SYNE2: variants seen among roughly 807,000 people sequenced by gnomAD.
SYNE2 encodes the protein nesprin-2.
SYNE2 carries 431 observed loss-of-function variants against 856.3 expected under a neutral mutation model. The observed-to-expected ratio is 0.50, with a 90% CI of 0.47 to 0.55. The LOEUF (loss-of-function observed/expected upper bound fraction) is 0.55, where lower values mean the gene tolerates loss of function less well. SYNE2 is among the 20% of genes least tolerant of loss of function. The pLI is 0.00. For missense variants in SYNE2, 8,129 were observed against 8,023.2 expected (o/e 1.01, Z -0.50); for synonymous variants, 2,923 against 2,872.3 (o/e 1.02, Z -0.56).
chr14:63,936,285 C>T (rs2095832409), intron 2 of SYNE2, among the ~76,000 whole-genome samples: 1 of 152,126 alleles, frequency 6.6e-6, no homozygotes, highest in South Asian at 2.1e-4. Flanking sequence ...TGTTGTGGTG[C>T]GTAAATTCTG....
intron 1 of SYNE2, among the ~76,000 whole-genome samples, chr14:63,788,580 C>T (rs980782078): frequency 6.6e-6 from 1 of 152,086 alleles, no homozygotes; most frequent in Non-Finnish European, 1.5e-5. Flanking sequence ...AGCAGGAGGC[C>T]CAGGTCTACA....
rs1314496475 is a variant in SYNE2, at chr14:64,216,343, C to T, written c.19498C>T (p.Pro6500Ser). The change falls in exon 108 of 116, where the codon CCA becomes TCA. Residue 6500 changes from proline (P) to serine (S), a missense_variant. Pro to Ser is a moderately conservative substitution (Grantham distance 74, BLOSUM62 -1). Transcript: ENST00000555002. ...GCAAATGGAAGGTGACAGGAATGTTCCACCTGTTCCCCCTGCGTCCAGCAC... is the reference window on the plus strand; with the variant it reads ...GCAAATGGAAGGTGACAGGAATGTTTCACCTGTTCCCCCTGCGTCCAGCAC... ...YKQMEGDRNV[P>S]PVPPASSTPY... is the part of the protein sequence containing the mutation. The T allele has an allele frequency of 5.0e-6, 8 of 1,614,108 alleles. No individual in the cohort carries two copies. The highest frequency in any genetic ancestry group is 6.8e-6 in the Non-Finnish European group (8 of 1,180,054).
chr14:64,155,686 G>T (rs1301744610), intron 85 of SYNE2, among the ~76,000 whole-genome samples: 2 of 152,178 alleles, frequency 1.3e-5, no homozygotes, highest in African/African-American at 4.8e-5. Flanking sequence ...CAGCACTTTG[G>T]GTGGCTGAGG....
chr14:64,153,459 T>G (rs1437629374), intron 85 of SYNE2, among the ~76,000 whole-genome samples: 1 of 152,220 alleles, frequency 6.6e-6, no homozygotes, highest in African/African-American at 2.4e-5. Flanking sequence ...AGAACCTTCA[T>G]TGTGGGTTGT....
intron 85 of SYNE2, 134 bp from the exon 86 acceptor site, chr14:64,158,491 A>G: frequency 1.1e-6 from 1 of 936,348 alleles, no homozygotes; most frequent in Non-Finnish European, 1.7e-6. Flanking sequence ...TACCCTTTCC[A>G]CCTTCAGTTA....
chr14:63,778,953 C>T (rs1304518228), intron 1 of SYNE2, among the ~76,000 whole-genome samples: 1 of 151,828 alleles, frequency 6.6e-6, no homozygotes, highest in Non-Finnish European at 1.5e-5. Flanking sequence ...AGCCACTGTG[C>T]CCAGCCTATA....
intron 11 of SYNE2, among the ~76,000 whole-genome samples, chr14:63,969,251 A>G (rs566819042): frequency 6.7e-6 from 1 of 149,108 alleles, no homozygotes; most frequent in South Asian, 2.1e-4. Context: ...CTCATTGCAA[A>G]CTCTGACTCC....
chr14:64,026,740 A>T lies in SYNE2; in HGVS notation c.6404+10A>T. On this transcript the variant is annotated intron_variant, in intron 42 of 115. Transcript: ENST00000555002. ...CTAGCACCTACCTAAGGTAAAGGGC[A>T]TGCCTGCACCACTTGCATCATATCC... is the stretch of plus-strand genomic sequence containing the variant. 1 of 1,600,824 alleles carries T rather than the reference A, an allele frequency of 6.2e-7. No homozygotes were observed. Among genetic ancestry groups the T allele is most frequent in the East Asian group, 2.2e-5 (1 of 44,556 alleles).
At chr14:63,996,805 C>T (rs1415470367) in intron 23 of SYNE2, 142 bp from the exon 24 acceptor site, 18 of 787,802 alleles carry the variant, frequency 2.3e-5, no homozygotes, top group Admixed American at 8.8e-5. Flanking sequence ...CTTTTTTTCT[C>T]TAGCGCCTAT....
intron 56 of SYNE2, 38 bp from the exon 57 acceptor site, chr14:64,081,405 G>A: frequency 6.2e-7 from 1 of 1,613,780 alleles, no homozygotes; most frequent in Non-Finnish European, 8.5e-7. Flanking sequence ...TCCAGTAAAA[G>A]GCATCTGACT....
At chr14:64,107,924 G>T (rs1447606687) in intron 65 of SYNE2, among the ~76,000 whole-genome samples, 1 of 152,124 alleles carries the variant, frequency 6.6e-6, no homozygotes, top group African/African-American at 2.4e-5. Flanking sequence ...AGTAGAGAAG[G>T]GTTAATATTG....
rs747681951 is a variant in SYNE2 at position 64,052,181 on chromosome 14, T to G, written c.8268T>G (p.Leu2756=). The G allele has an allele frequency of 5.0e-6, 8 of 1,614,144 alleles. No homozygotes were observed. Among genetic ancestry groups the G allele is most frequent in the Non-Finnish European group, 6.8e-6 (8 of 1,180,036 alleles). Residue 2756 remains leucine (L), a synonymous_variant, in exon 48 of 116, where the codon CTT becomes CTG. Transcript: ENST00000555002. ...LLGELNPSIP[L]LPDDILSQIR... is the part of the protein sequence containing the mutation. ...GTGAACTTAATCCCTCCATTCCCCT[T>G]CTCCCAGATGACATTCTTTCACAGA...
chr14:64,065,292 T>G (rs1281564887), intron 50 of SYNE2, 140 bp from the exon 51 acceptor site: 1 of 767,002 alleles, frequency 1.3e-6, no homozygotes, highest in Non-Finnish European at 2.1e-6. Flanking sequence ...CTATATTGAC[T>G]TCTAAAAGGA....
intron 2 of SYNE2, among the ~76,000 whole-genome samples, chr14:63,918,082 A>T (rs1350689494): frequency 6.6e-6 from 1 of 152,182 alleles, no homozygotes; most frequent in Non-Finnish European, 1.5e-5. Flanking sequence ...GCCCCATGAG[A>T]TACAAGATTT....
intron 1 of SYNE2, among the ~76,000 whole-genome samples, chr14:63,767,627 C>T (rs1230561891): frequency 6.6e-6 from 1 of 152,130 alleles, no homozygotes; most frequent in African/African-American, 2.4e-5. Flanking sequence ...CACCATGTCC[C>T]AGCCTTACCT....
intron 1 of SYNE2, among the ~76,000 whole-genome samples, chr14:63,776,309 A>G (rs144058142): frequency 1.3e-5 from 2 of 152,340 alleles, no homozygotes; most frequent in East Asian, 3.9e-4. Flanking sequence ...AGTCCAATCC[A>G]GCTGCACACG....
In SYNE2 at chr14:64,195,348, A is replaced by G. The variant is rs951668627; in HGVS notation, c.18038+5111A>G. Among the ~76,000 whole-genome samples, 4 of 152,332 alleles carry G rather than the reference A, an allele frequency of 2.6e-5. 1 individual carries two copies. Among genetic ancestry groups the G allele is most frequent in the Non-Finnish European group, 5.9e-5 (4 of 68,024 alleles). On this transcript the variant is annotated intron_variant, in intron 99 of 115. Coordinates refer to ENST00000555002, the MANE Select transcript of SYNE2 (RefSeq NM_182914.3). ...GTCATGTTATAACATGTCATGAACA[A>G]ATGTCATCAATTTTATGTTCTCTCC...
chr14:63,833,435 G>GA (rs914393512), intron 1 of SYNE2, among the ~76,000 whole-genome samples: 3 of 151,718 alleles, frequency 2.0e-5, no homozygotes, highest in Non-Finnish European at 2.9e-5. Context: ...ATCAAAAAAA[G>GA]AAAAAAACAT....
At position 64,062,844 on chromosome 14, in the gene SYNE2, C is replaced by G; in HGVS notation, c.10161C>G (p.Ser3387=). ...KMETVLGQSM[S]SLPLSYREAL... is the part of the protein sequence containing the mutation. Reference sequence around the variant, plus strand: ...AGACAGTTCTTGGACAGTCCATGTCCTCGTTGCCACTGTCTTACAGAGAAG... The same window carrying G: ...AGACAGTTCTTGGACAGTCCATGTCGTCGTTGCCACTGTCTTACAGAGAAG... The change falls in exon 50 of 116, where the codon TCC becomes TCG. Residue 3387 remains serine (S), a synonymous_variant. Transcript: ENST00000555002. The G allele has an allele frequency of 6.2e-7, 1 of 1,614,140 alleles. No homozygotes were observed. Among genetic ancestry groups the G allele is most frequent in the Non-Finnish European group, 8.5e-7 (1 of 1,180,014 alleles).
Sources: allele counts gnomAD v4.1 joint callset (sites outside exome capture counted in the v4.1 genomes callset), GRCh38; gene constraint gnomAD v4.1.1; transcripts MANE v1.5; gene names NCBI Gene and HGNC (gene_info 2026-07-23, HGNC 2026-07-21).